PHKB: variants seen among roughly 807,000 people sequenced by gnomAD.
PHKB encodes the protein phosphorylase b kinase regulatory subunit beta.
Under a neutral mutation model 152.1 loss-of-function variants are expected in PHKB, and 122 were observed. That is an observed-to-expected ratio of 0.80 (90% CI 0.69 to 0.93). PHKB has a LOEUF of 0.93. PHKB is among the 40% of genes least tolerant of loss of function. The pLI is 0.00. For missense variants in PHKB, 1,304 were observed against 1,328.4 expected, an observed-to-expected ratio of 0.98 and a Z score of 0.29; for synonymous variants, 436 against 464.9, an observed-to-expected ratio of 0.94 and a Z score of 0.80.
chr16:47,613,578 T>C (rs1373078841), intron 14 of PHKB, among the ~76,000 whole-genome samples: 1 of 152,250 alleles, frequency 6.6e-6, no homozygotes, highest in Admixed American at 6.5e-5. Context: ...ACTCTTATCA[T>C]CTTGTGAGTC....
At chr16:47,688,219 T>C (rs1033347141) in intron 26 of PHKB, among the ~76,000 whole-genome samples, 3 of 152,218 alleles carry the variant, frequency 2.0e-5, no homozygotes, top group African/African-American at 7.2e-5. Context: ...GAATCTGCTG[T>C]GTGAACTAAT....
At position 47,689,303 on chromosome 16, in the gene PHKB, C is replaced by T. The variant is rs1004231189; in HGVS notation, c.2765+128C>T. 1.1e-5 allele frequency: 9 copies of T among 837,338 alleles called. No homozygotes were observed. The African/African-American group carries it at 1.3e-4, about 13-fold the overall frequency. The allele number at this position is 837,338 out of a possible 1,614,324, so 51.9% of individuals were successfully genotyped here. On this transcript the variant is annotated intron_variant, in intron 27 of 30. Coordinates refer to ENST00000323584, the MANE Select transcript of PHKB (RefSeq NM_000293.3). ...AAATTCAACAGAGTGTCAGAGGCCACCCCACTAGATGGAAAGTGTAAACAG... is the reference window on the plus strand; with the variant it reads ...AAATTCAACAGAGTGTCAGAGGCCATCCCACTAGATGGAAAGTGTAAACAG...
chr16:47,660,692 C>T lies in PHKB; in HGVS notation c.2069C>T (p.Pro690Leu), dbSNP rs1179387958. Residue 690 changes from proline (P) to leucine (L), a missense_variant, in exon 22 of 31, where the codon CCT becomes CTT. Coordinates refer to ENST00000323584, the MANE Select transcript of PHKB (RefSeq NM_000293.3). Reference protein sequence around the residue: ...PEFKSFEELEPPKHSKVKRQS... With the variant: ...PEFKSFEELELPKHSKVKRQS... ...TTTAAGAGTTTTGAGGAACTAGAAC[C>T]TCCCAAACATTCAAAAGTCAAACGG... The T allele has an allele frequency of 1.9e-6, 3 of 1,614,008 alleles. No individual in the cohort carries two copies. Among genetic ancestry groups the T allele is most frequent in the South Asian group, 2.2e-5 (2 of 91,086 alleles).
intron 26 of PHKB, 130 bp from the exon 27 acceptor site, chr16:47,688,911 A>G (rs1017027789): frequency 1.3e-5 from 12 of 938,270 alleles, no homozygotes; most frequent in South Asian, 1.0e-4. Flanking sequence ...TCAACGGTTC[A>G]GGAAACTCAA....
At chr16:47,654,596 T>C (rs1973299438) in intron 20 of PHKB, among the ~76,000 whole-genome samples, 1 of 152,020 alleles carries the variant, frequency 6.6e-6, no homozygotes, top group Non-Finnish European at 1.5e-5. Flanking sequence ...ATGTGGCACA[T>C]ATACACCATG....
chr16:47,547,943 C>T (rs770206759), intron 7 of PHKB: 5 of 256,898 alleles, frequency 1.9e-5, no homozygotes, highest in Non-Finnish European at 3.0e-5. Context: ...AATTTCCTTC[C>T]ATGTTATAGA....
chr16:47,629,256 A>C (rs1972774393), intron 14 of PHKB, among the ~76,000 whole-genome samples: 2 of 152,114 alleles, frequency 1.3e-5, no homozygotes, highest in Non-Finnish European at 2.9e-5. Context: ...ATGGGAGAAA[A>C]TTTTCACAAC....
intron 6 of PHKB, among the ~76,000 whole-genome samples, chr16:47,527,005 A>G (rs1970779501): frequency 6.6e-6 from 1 of 152,114 alleles, no homozygotes; most frequent in African/African-American, 2.4e-5. Flanking sequence ...GGGAGTGGGG[A>G]GGGAGGTGCC....
intron 1 of PHKB, among the ~76,000 whole-genome samples, chr16:47,487,399 T>C (rs1970066675): frequency 7.0e-6 from 1 of 142,732 alleles, no homozygotes; most frequent in South Asian, 2.3e-4. Flanking sequence ...TGTTATATTA[T>C]TAGGTACAAG....
chr16:47,559,320 G>C (rs1971436326), intron 7 of PHKB, among the ~76,000 whole-genome samples: 1 of 152,138 alleles, frequency 6.6e-6, no homozygotes, highest in Admixed American at 6.5e-5. Context: ...TGGCCTAATT[G>C]TTCTGGGTAC....
intron 4 of PHKB, among the ~76,000 whole-genome samples, chr16:47,507,849 C>T (rs2151647587): frequency 1.3e-5 from 2 of 152,310 alleles, no homozygotes; most frequent in South Asian, 4.1e-4. Flanking sequence ...ACCTTCACAT[C>T]TTGTTGCTGC....
At chr16:47,668,095 G>C (rs939264737) in intron 25 of PHKB, among the ~76,000 whole-genome samples, 1 of 152,124 alleles carries the variant, frequency 6.6e-6, no homozygotes, top group Non-Finnish European at 1.5e-5. Flanking sequence ...ATTTTTACTC[G>C]TGCGTTATTC....
rs1971966735 is a variant in PHKB at position 47,588,209 on chromosome 16, G to A, written c.870+446G>A. 2.7e-5 allele frequency among the ~76,000 whole-genome samples: 4 copies of A among 150,448 alleles called. No individual in the cohort carries two copies. In the South Asian group the frequency reaches 8.4e-4, roughly 32 times the overall value. On this transcript the variant is annotated intron_variant, in intron 9 of 30. Coordinates refer to ENST00000323584, the MANE Select transcript of PHKB (RefSeq NM_000293.3). ...CTACCTGATTGCAGAATTTTCTAGG[G>A]ACTATTTGTGGTTCTGTTATTTAGA...
intron 1 of PHKB, chr16:47,462,052 G>A (rs1969573219): frequency 6.6e-6 from 1 of 152,442 alleles, no homozygotes. Context: ...AAAGCATAGA[G>A]GTCAGAAGGT....
At chr16:47,681,163 A>G (rs1011185259) in intron 26 of PHKB, among the ~76,000 whole-genome samples, 2 of 152,082 alleles carry the variant, frequency 1.3e-5, no homozygotes, top group Non-Finnish European at 2.9e-5. Context: ...GTTCTTTTAC[A>G]TTTGCTGAGG....
intron 14 of PHKB, among the ~76,000 whole-genome samples, chr16:47,633,611 C>T (rs1172291016): frequency 3.9e-5 from 6 of 152,002 alleles, no homozygotes; most frequent in Admixed American, 6.6e-5. Flanking sequence ...GTTAAAAGAG[C>T]GAGTCAGGAT....
chr16:47,610,136 GCA>G (rs1279285394), intron 13 of PHKB, among the ~76,000 whole-genome samples: 1 of 149,550 alleles, frequency 6.7e-6, no homozygotes, highest in African/African-American at 2.5e-5. Context: ...GGGATTACAG[GCA>G]CACACAACCA....
intron 6 of PHKB, among the ~76,000 whole-genome samples, chr16:47,525,675 A>G (rs1020171494): frequency 4.6e-5 from 7 of 152,174 alleles, no homozygotes; most frequent in Non-Finnish European, 8.8e-5. Flanking sequence ...GCCGAAAACA[A>G]CGCAATGATG....
intron 1 of PHKB, chr16:47,462,771 T>A (rs553132618): frequency 6.6e-6 from 1 of 151,648 alleles, no homozygotes; most frequent in East Asian, 1.9e-4. Context: ...ATCTAATTTC[T>A]GAAAATCTAA....
Sources: allele counts gnomAD v4.1 joint callset (sites outside exome capture counted in the v4.1 genomes callset), GRCh38; gene constraint gnomAD v4.1.1; transcripts MANE v1.5; gene names NCBI Gene and HGNC (gene_info 2026-07-23, HGNC 2026-07-21).